KCNT1: variants seen among roughly 807,000 people sequenced by gnomAD.
KCNT1 encodes the protein potassium channel subfamily T member 1.
In KCNT1, 78 loss-of-function variants were observed where a neutral mutation model predicts 147.8. That is an observed-to-expected ratio of 0.53 (90% CI 0.44 to 0.64). The LOEUF (loss-of-function observed/expected upper bound fraction) is 0.64, where lower values mean the gene tolerates loss of function less well. Ranked by LOEUF, KCNT1 falls within the 30% of genes least tolerant of loss-of-function variation. The pLI is 0.00. For synonymous variants in KCNT1, 867 were observed against 748.8 expected (o/e 1.16, Z -2.58); for missense variants, 1,419 against 1,750.3 (o/e 0.81, Z 3.38).
intron 2 of KCNT1, among the ~76,000 whole-genome samples, chr9:135,743,824 T>TGG (rs933859058): frequency 6.6e-6 from 1 of 152,088 alleles, no homozygotes; most frequent in East Asian, 1.9e-4. Flanking sequence ...GGCCAAGCTA[T>TGG]GGGGGGGCCC....
intron 11 of KCNT1, among the ~76,000 whole-genome samples, chr9:135,762,858 G>A (rs372958212): frequency 3.0e-4 from 46 of 152,246 alleles, no homozygotes; most frequent in African/African-American, 9.4e-4. Context: ...ATGCGCCATC[G>A]TCACGAGAAC....
At chr9:135,710,017 C>T (rs570201) in intron 1 of KCNT1, among the ~76,000 whole-genome samples, 140,670 of 152,290 alleles carry the variant, frequency 0.92, 65,041 homozygotes, top group East Asian at 0.98. Flanking sequence ...TCCACGGGAC[C>T]TGTAGGCACC....
chr9:135,789,115 T>G (rs1834303115), intron 29 of KCNT1: 1 of 152,268 alleles, frequency 6.6e-6, no homozygotes, highest in African/African-American at 2.4e-5. Context: ...ACTGTGGTGC[T>G]CGGACCTGCA....
At chr9:135,765,227 C>G (rs1283027127) in intron 12 of KCNT1, 32 bp downstream of exon 12, 16 of 1,594,750 alleles carry the variant, frequency 1.0e-5, no homozygotes, top group African/African-American at 1.3e-5. Flanking sequence ...CAGCAGACGA[C>G]TCCCTCCCGG....
At chr9:135,773,132 C>T (rs2131523608) in intron 19 of KCNT1, among the ~76,000 whole-genome samples, 183 bp downstream of exon 19, 1 of 152,342 alleles carries the variant, frequency 6.6e-6, no homozygotes, top group South Asian at 2.1e-4. Flanking sequence ...ATCAGGGCCA[C>T]ATCACCCTCG....
At chr9:135,761,339 C>T (rs1216819195) in intron 11 of KCNT1, among the ~76,000 whole-genome samples, 3 of 152,210 alleles carry the variant, frequency 2.0e-5, no homozygotes, top group Non-Finnish European at 4.4e-5. Context: ...GGGTTCTCCC[C>T]TCTGACGCCT....
At chr9:135,737,046 G>C (rs982960391) in intron 2 of KCNT1, 60 of 235,356 alleles carry the variant, frequency 2.5e-4, no homozygotes, top group South Asian at 1.8e-4. Context: ...GGAGGAAGTG[G>C]ACCCAGCTCT....
chr9:135,767,424 G>A (rs1832359823), intron 13 of KCNT1, among the ~76,000 whole-genome samples: 1 of 150,672 alleles, frequency 6.6e-6, no homozygotes, highest in African/African-American at 2.5e-5. Context: ...TTCTTAGACA[G>A]CGTCTCAGCA....
Position 135,730,558 on chromosome 9 carries a change from C to T in KCNT1, c.254+15838C>T, listed in dbSNP as rs1381916759. Among the ~76,000 whole-genome samples, 1 of 151,918 alleles carries T rather than the reference C, an allele frequency of 6.6e-6. No individual in the cohort carries two copies. The highest frequency in any genetic ancestry group is 2.4e-5 in the African/African-American group (1 of 41,334). On this transcript the variant is annotated intron_variant, in intron 2 of 30. Coordinates refer to ENST00000371757, the MANE Select transcript of KCNT1 (RefSeq NM_020822.3). The surrounding 1 kb of genome is among the most constrained non-coding windows in gnomAD (Gnocchi z 4.7). ...GGACTGGAGCGATGGGAGGAGGGGC[C>T]CAGCCGGGGAGGGTGGTGGTCACCG... is the stretch of plus-strand genomic sequence containing the variant.
chr9:135,702,626 G>A (rs1297413381), intron 1 of KCNT1, among the ~76,000 whole-genome samples: 1 of 152,152 alleles, frequency 6.6e-6, no homozygotes, highest in Non-Finnish European at 1.5e-5. Flanking sequence ...GGGGGGAGCG[G>A]CCGTGGCTAC....
chr9:135,787,735 A>G (rs545909394), intron 29 of KCNT1, among the ~76,000 whole-genome samples: 14 of 152,238 alleles, frequency 9.2e-5, no homozygotes, highest in African/African-American at 3.1e-4. Context: ...CCCGCCTTGA[A>G]GCTTCCCTCC....
chr9:135,732,020 A>AGG (rs1187487450), intron 2 of KCNT1, among the ~76,000 whole-genome samples: 3 of 126,280 alleles, frequency 2.4e-5, no homozygotes, highest in Non-Finnish European at 5.0e-5. Flanking sequence ...AGAGAGAGAG[A>AGG]GAGAGAGAGA....
chr9:135,785,059 C>T (rs1199036301), intron 27 of KCNT1, among the ~76,000 whole-genome samples, 170 bp downstream of exon 27: 2 of 152,198 alleles, frequency 1.3e-5, no homozygotes, highest in African/African-American at 2.4e-5. Flanking sequence ...CTATTGCTGG[C>T]AGCTCCTTCC....
chr9:135,750,910 T>C (rs766493459), intron 3 of KCNT1, 32 bp from the exon 4 acceptor site: 24 of 1,602,150 alleles, frequency 1.5e-5, no homozygotes, highest in Non-Finnish European at 2.0e-5. Flanking sequence ...CAGAGCTGGG[T>C]CAGAGCCCTG....
chr9:135,775,659 C>T (rs1187112080), intron 20 of KCNT1, among the ~76,000 whole-genome samples: 1 of 152,204 alleles, frequency 6.6e-6, no homozygotes, highest in Non-Finnish European at 1.5e-5. Context: ...GTTTTCTGAG[C>T]CATCTTGAGA....
chr9:135,715,171 T>G (rs996478463), intron 2 of KCNT1, among the ~76,000 whole-genome samples: 4 of 152,214 alleles, frequency 2.6e-5, no homozygotes, highest in Non-Finnish European at 4.4e-5. Flanking sequence ...GTCCTTCAGG[T>G]TCGTGACCTG....
intron 2 of KCNT1, among the ~76,000 whole-genome samples, chr9:135,735,166 C>T (rs939283580): frequency 1.3e-5 from 2 of 152,238 alleles, no homozygotes; most frequent in Non-Finnish European, 2.9e-5. Context: ...CCACGACAGG[C>T]AGCCAGGGCG....
At chr9:135,755,585 G>T (rs777212029) in intron 6 of KCNT1, among the ~76,000 whole-genome samples, 1 of 144,606 alleles carries the variant, frequency 6.9e-6, no homozygotes, top group African/African-American at 2.6e-5. Context: ...ACAAACTCAG[G>T]CTCAGTAGGC....
At chr9:135,738,895 G>A (rs1189668590) in intron 2 of KCNT1, among the ~76,000 whole-genome samples, 23 of 152,150 alleles carry the variant, frequency 1.5e-4, no homozygotes, top group Non-Finnish European at 1.0e-4. Context: ...CTTCAGTGGT[G>A]GGGTCAGGAG....
Sources: gnomAD v4.1 joint callset for allele counts (sites outside exome capture counted in the v4.1 genomes callset) on GRCh38, gnomAD v4.1.1 for gene constraint, Gnocchi (gnomAD v3.1) non-coding constraint, MANE v1.5 for transcripts, NCBI Gene and HGNC (gene_info 2026-07-23, HGNC 2026-07-21) for gene names.